USP32: variants seen among roughly 807,000 people sequenced by gnomAD.
USP32 encodes the protein ubiquitin carboxyl-terminal hydrolase 32.
In USP32, 59 loss-of-function variants were observed where a neutral mutation model predicts 204.8. That is an observed-to-expected ratio of 0.29 (90% CI 0.23 to 0.36). USP32 has a LOEUF of 0.36. Ranked by LOEUF, USP32 falls within the 10% of genes least tolerant of loss-of-function variation. The probability of loss-of-function intolerance (pLI) is 1.00; values close to 1 mark genes in which losing one functional copy is unlikely to be tolerated. For synonymous variants in USP32, 517 were observed against 678.4 expected, an observed-to-expected ratio of 0.76 and a Z score of 3.70; for missense variants, 1,160 against 1,946.4, an observed-to-expected ratio of 0.60 and a Z score of 7.60.
intron 1 of USP32, among the ~76,000 whole-genome samples, chr17:60,408,056 C>T (rs535134146): frequency 1.1e-4 from 16 of 151,946 alleles, no homozygotes; most frequent in Admixed American, 4.6e-4. Flanking sequence ...TGAGATGTCG[C>T]CACTGCACTC....
intron 13 of USP32, among the ~76,000 whole-genome samples, chr17:60,225,739 G>T (rs1301168605): frequency 6.6e-6 from 1 of 151,910 alleles, no homozygotes; most frequent in African/African-American, 2.4e-5. Flanking sequence ...AGATCACGAG[G>T]TTGGGAGTTC....
chr17:60,411,489 G>A lies in USP32; in HGVS notation c.106+10757C>T, dbSNP rs148828035. 1.2e-4 allele frequency among the ~76,000 whole-genome samples: 17 copies of A among 142,728 alleles called. No homozygotes were observed. In the South Asian group the frequency reaches 2.0e-3, roughly 16 times the overall value. The allele number at this position is 142,728 out of a possible 152,430, so 93.6% of individuals were successfully genotyped here. ...GATTGTACCATTACACTCTAGCCTCGGTGACAAAGTGAGAGTCTGTCACTA... is the reference window on the plus strand; with the variant it reads ...GATTGTACCATTACACTCTAGCCTCAGTGACAAAGTGAGAGTCTGTCACTA... On this transcript the variant is annotated intron_variant, in intron 1 of 3. Coordinates refer to the USP32 transcript ENST00000588898.
chr17:60,280,660 C>T (rs2086946903), intron 5 of USP32, among the ~76,000 whole-genome samples: 2 of 152,160 alleles, frequency 1.3e-5, no homozygotes, highest in South Asian at 4.1e-4. Flanking sequence ...TAAATGGAGT[C>T]ACTGATGCTT....
chr17:60,331,962 G>A (rs979471652), intron 2 of USP32, among the ~76,000 whole-genome samples: 6 of 150,986 alleles, frequency 4.0e-5, no homozygotes, highest in Non-Finnish European at 8.9e-5. Context: ...TACAATTGAG[G>A]TCAGGCACAG....
At position 60,228,504 on chromosome 17, in the gene USP32, T is replaced by C. The variant is rs1011680109; in HGVS notation, c.1240-2273A>G. Among the ~76,000 whole-genome samples the C allele has an allele frequency of 1.8e-4, 26 of 148,224 alleles. No individual in the cohort carries two copies. In the East Asian group the frequency reaches 4.5e-3, roughly 26 times the overall value. On this transcript the variant is annotated intron_variant, in intron 12 of 33. Transcript: ENST00000300896. ...ATTAGGTTTCTTTTTTCTTTTTCTT[T>C]TTTTTTTTTTTTTTAATTAAAACAA... is the stretch of plus-strand genomic sequence containing the variant.
chr17:60,353,392 G>A (rs1217938937), intron 1 of USP32, among the ~76,000 whole-genome samples: 1 of 152,166 alleles, frequency 6.6e-6, no homozygotes, highest in Non-Finnish European at 1.5e-5. Flanking sequence ...GGTAGCCCAA[G>A]CTGACTACTA....
chr17:60,270,282 G>T (rs1025983460), intron 6 of USP32, among the ~76,000 whole-genome samples: 3 of 152,278 alleles, frequency 2.0e-5, no homozygotes, highest in Non-Finnish European at 4.4e-5. Context: ...AGCCCTATCT[G>T]CCCTGGCTCC....
intron 1 of USP32, among the ~76,000 whole-genome samples, chr17:60,408,840 C>T (rs2089997799): frequency 6.6e-6 from 1 of 152,174 alleles, no homozygotes. Flanking sequence ...ACTAAGTGGA[C>T]ACCACATAGT....
intron 2 of USP32, among the ~76,000 whole-genome samples, chr17:60,340,522 G>A (rs2088632197): frequency 6.6e-6 from 1 of 152,140 alleles, no homozygotes. Flanking sequence ...CATTTGCTTG[G>A]TAGATCTTTC....
In USP32 at chr17:60,410,600, G is replaced by A. The variant is rs191915428; in HGVS notation, c.106+11646C>T. ...GGAGAATGGTGTGAACCTGGGAGGC[G>A]GAGCTTGCAGTGAGCCGAGATTGCA... On this transcript the variant is annotated intron_variant, in intron 1 of 3. Coordinates refer to the USP32 transcript ENST00000588898. Among the ~76,000 whole-genome samples, 1,454 of 152,042 alleles carry A rather than the reference G, an allele frequency of 9.6e-3. 32 individuals carry two copies. The highest frequency in any genetic ancestry group is 0.034 in the African/African-American group (1,391 of 41,468).
chr17:60,342,402 C>G (rs993764393), intron 2 of USP32, among the ~76,000 whole-genome samples: 3 of 152,236 alleles, frequency 2.0e-5, no homozygotes, highest in Non-Finnish European at 2.9e-5. Flanking sequence ...CTTGAGGAGA[C>G]AGTCTGTCCG....
intron 1 of USP32, among the ~76,000 whole-genome samples, chr17:60,412,712 G>T (rs2090028371): frequency 6.6e-6 from 1 of 152,098 alleles, no homozygotes; most frequent in South Asian, 2.1e-4. Flanking sequence ...GAAAGGTGGT[G>T]AGAGTGAGTC....
At chr17:60,381,233 G>A (rs2089641448) in intron 1 of USP32, among the ~76,000 whole-genome samples, 2 of 152,114 alleles carry the variant, frequency 1.3e-5, no homozygotes, top group African/African-American at 4.8e-5. Context: ...GAGTTCAGGA[G>A]TTCAAGACCA....
intron 2 of USP32, among the ~76,000 whole-genome samples, chr17:60,321,346 G>A (rs766193854): frequency 1.3e-5 from 2 of 152,110 alleles, no homozygotes; most frequent in Admixed American, 6.5e-5. Context: ...TACAACCAAC[G>A]TAAGACTGGT....
Position 60,178,996 on chromosome 17 carries a change from G to C in USP32, c.*259C>G, listed in dbSNP as rs1297705012. The C allele has an allele frequency of 2.6e-6, 1 of 381,980 alleles. No homozygotes were observed. The highest frequency in any genetic ancestry group is 4.2e-5 in the East Asian group (1 of 23,826). 23.7% of individuals were successfully genotyped at this position (381,980 alleles called of 1,614,324 possible). A position where few individuals can be genotyped will look rare whatever the true frequency, so the allele number is the denominator to read the frequency against. ...ATTCTTATTTGGTCCCAGGTGGCTGGTGCCAAACCTTTTGTTTACAGGCTA... is the reference window on the plus strand; with the variant it reads ...ATTCTTATTTGGTCCCAGGTGGCTGCTGCCAAACCTTTTGTTTACAGGCTA... On this transcript the variant is annotated 3_prime_UTR_variant, in exon 34 of 34. Coordinates refer to ENST00000300896, the MANE Select transcript of USP32 (RefSeq NM_032582.4).
At chr17:60,326,379 C>T (rs2088239896) in intron 2 of USP32, among the ~76,000 whole-genome samples, 1 of 151,718 alleles carries the variant, frequency 6.6e-6, no homozygotes, top group African/African-American at 2.4e-5. Context: ...GGCGCAATCT[C>T]GGCTCACTGC....
intron 2 of USP32, among the ~76,000 whole-genome samples, chr17:60,332,339 T>C (rs1445180522): frequency 6.6e-6 from 1 of 151,582 alleles, no homozygotes; most frequent in African/African-American, 2.4e-5. Flanking sequence ...AAACCAAACA[T>C]TTCTATCGCC....
At chr17:60,249,737 G>C (rs1472410045) in intron 11 of USP32, 1 of 700,538 alleles carries the variant, frequency 1.4e-6, no homozygotes, top group Admixed American at 2.0e-5. Flanking sequence ...GTATATATTT[G>C]GTCAGTTTCC....
In USP32 at chr17:60,311,757, G is replaced by A. The variant is rs755429623; in HGVS notation, c.187-10053C>T. ...GAAGAATCCCTTAAACCCAGGAGGCGCACGTTGCAGTGAGCTGAGACTGCA... is the reference window on the plus strand; with the variant it reads ...GAAGAATCCCTTAAACCCAGGAGGCACACGTTGCAGTGAGCTGAGACTGCA... On this transcript the variant is annotated intron_variant, in intron 2 of 33. Transcript: ENST00000300896. Among the ~76,000 whole-genome samples the A allele has an allele frequency of 9.2e-5, 14 of 152,188 alleles. 1 individual carries two copies. Among genetic ancestry groups the A allele is most frequent in the South Asian group, 6.2e-4 (3 of 4,820 alleles).
Sources: gnomAD v4.1 joint callset for allele counts (sites outside exome capture counted in the v4.1 genomes callset) on GRCh38, gnomAD v4.1.1 for gene constraint, MANE v1.5 for transcripts, NCBI Gene and HGNC (gene_info 2026-07-23, HGNC 2026-07-21) for gene names.